Variants in PINK1 observed in about 807,000 individuals in gnomAD.
PINK1 encodes serine/threonine-protein kinase PINK1, mitochondrial.
Under a neutral mutation model 56.0 loss-of-function variants are expected in PINK1, and 58 were observed. The ratio of observed to expected loss-of-function variants is 1.04; its 90% confidence interval spans 0.84 to 1.29. PINK1 has a LOEUF of 1.29. PINK1 is among the 50% of genes most tolerant of loss of function. The pLI is 0.00. For missense variants in PINK1, 745 were observed against 777.9 expected (o/e 0.96, Z 0.50); for synonymous variants, 354 against 339.3 (o/e 1.04, Z -0.48).
Position 20,650,780 on chromosome 1 carries a change from A to G in PINK1, c.*89A>G, listed in dbSNP as rs2053261055. The G allele has an allele frequency of 3.9e-6, 6 of 1,531,552 alleles. No homozygotes were observed. Among genetic ancestry groups the G allele is most frequent in the Non-Finnish European group, 5.3e-6 (6 of 1,134,472 alleles). 94.9% of individuals were successfully genotyped at this position (1,531,552 alleles called of 1,614,324 possible). A position where few individuals can be genotyped will look rare whatever the true frequency, so the allele number is the denominator to read the frequency against. On this transcript the variant is annotated 3_prime_UTR_variant, in exon 8 of 8. Coordinates refer to ENST00000321556, the MANE Select transcript of PINK1 (RefSeq NM_032409.3). ...GTGAATGGTGAGGGTGGGAGTCAGGAGACAAGACAGCGCAGAGAGGGCTGG... is the reference window on the plus strand; with the variant it reads ...GTGAATGGTGAGGGTGGGAGTCAGGGGACAAGACAGCGCAGAGAGGGCTGG...
intron 7 of PINK1, 89 bp downstream of exon 7, chr1:20,649,320 CA>C (rs1160743210): frequency 1.5e-6 from 2 of 1,340,148 alleles, no homozygotes; most frequent in East Asian, 4.6e-5. Context: ...GCCAGAGCCA[CA>C]GTGACAGATC....
intron 3 of PINK1, among the ~76,000 whole-genome samples, chr1:20,642,236 C>T (rs542722367): frequency 1.1e-4 from 16 of 152,324 alleles, no homozygotes; most frequent in Non-Finnish European, 1.5e-5. Context: ...GGGGCTCTAG[C>T]CTGATGTGCT....
chr1:20,642,374 A>G (rs193080363), intron 3 of PINK1, among the ~76,000 whole-genome samples: 323 of 152,112 alleles, frequency 2.1e-3, no homozygotes, highest in African/African-American at 7.6e-3. Context: ...TTATTAGAGG[A>G]GGTTTAAGGG....
At position 20,633,831 on chromosome 1, in the gene PINK1, C is replaced by T; in HGVS notation, c.283C>T (p.Pro95Ser). 4 of 1,578,254 alleles carry T rather than the reference C, an allele frequency of 2.5e-6. No homozygotes were observed. In the South Asian group the frequency reaches 4.6e-5, roughly 18 times the overall value. Residue 95 changes from proline to serine, a missense_variant, in exon 1 of 8, where the codon CCT becomes TCT. Coordinates refer to ENST00000321556, the MANE Select transcript of PINK1 (RefSeq NM_032409.3). Reference sequence around the variant, plus strand: ...GGTGCGGGCCTGGGGCTGCGCGGGCCCTTGCGGCCGGGCAGTCTTTCTGGC... The same window carrying T: ...GGTGCGGGCCTGGGGCTGCGCGGGCTCTTGCGGCCGGGCAGTCTTTCTGGC... Reference protein sequence around the residue: ...FVVRAWGCAGPCGRAVFLAFG... With the variant: ...FVVRAWGCAGSCGRAVFLAFG...
intron 7 of PINK1, chr1:20,649,477 T>C (rs2053236635): frequency 1.9e-6 from 1 of 531,550 alleles, no homozygotes; most frequent in Admixed American, 3.2e-5. Flanking sequence ...GAAAAAGTTG[T>C]TCAGAGGCCA....
chr1:20,651,426 G>C lies in PINK1; in HGVS notation c.*735G>C, dbSNP rs1003813219. On this transcript the variant is annotated 3_prime_UTR_variant, in exon 8 of 8. Transcript: ENST00000321556. Reference sequence around the variant, plus strand: ...ATCAACATTGGGGAAGAGATTTCATGTCTAACTAACTAACTTTATACATGA... The same window carrying C: ...ATCAACATTGGGGAAGAGATTTCATCTCTAACTAACTAACTTTATACATGA... 18 of 152,212 alleles carry C rather than the reference G, an allele frequency of 1.2e-4. No homozygotes were observed. Among genetic ancestry groups the C allele is most frequent in the African/African-American group, 3.6e-4 (15 of 41,466 alleles). The allele number at this position is 152,212 out of a possible 1,614,324, so 9.4% of individuals were successfully genotyped here.
In PINK1 at chr1:20,649,175, G is replaced by A. The variant is rs777444688; in HGVS notation, c.1432G>A (p.Val478Met). 2.5e-6 allele frequency: 4 copies of A among 1,614,210 alleles called. No homozygotes were observed. The highest frequency in any genetic ancestry group is 1.1e-5 in the South Asian group (1 of 91,090). The change falls in exon 7 of 8, where the codon GTG becomes ATG. Residue 478 changes from valine (V) to methionine (M), a missense_variant. By Grantham distance (21) the Val-to-Met change is conservative. Transcript: ENST00000321556. The part of the protein sequence containing the change: ...EAQLPALPES[V>M]PPDVRQLVRA... The stretch of plus-strand genomic sequence containing the variant: ...TCAGCTACCTGCACTGCCCGAGTCA[G>A]TGCCTCCAGACGTGAGACAGTTGGT...
intron 2 of PINK1, chr1:20,639,574 G>C (rs1024572375): frequency 1.9e-5 from 8 of 412,386 alleles, no homozygotes; most frequent in African/African-American, 4.1e-5. Context: ...ATTTTGAACT[G>C]GTGGGGACCA....
In PINK1 at chr1:20,651,160, T is replaced by A; in HGVS notation, c.*469T>A. 4.7e-6 allele frequency: 1 copy of A among 214,884 alleles called. No individual in the cohort carries two copies. The highest frequency in any genetic ancestry group is 1.1e-4 in the East Asian group (1 of 9,230). The allele number at this position is 214,884 out of a possible 1,614,324, so 13.3% of individuals were successfully genotyped here. ...CCTGGGCCTCTGCGTTCCCAAGCTG[T>A]GCGTTCTGGACCAGCTACTGAATTA... On this transcript the variant is annotated 3_prime_UTR_variant, in exon 8 of 8. Coordinates refer to ENST00000321556, the MANE Select transcript of PINK1 (RefSeq NM_032409.3).
chr1:20,637,119 G>A (rs1475396050), intron 1 of PINK1, among the ~76,000 whole-genome samples: 1 of 152,210 alleles, frequency 6.6e-6, no homozygotes, highest in Non-Finnish European at 1.5e-5. Context: ...ACTAACCTTG[G>A]AAAGGAAGAG....
chr1:20,651,146 G>GC lies in PINK1; in HGVS notation c.*456dup, dbSNP rs1299398283. 4 of 225,466 alleles carry GC rather than the reference G, an allele frequency of 1.8e-5. No individual in the cohort carries two copies. Among genetic ancestry groups the GC allele is most frequent in the African/African-American group, 9.0e-5 (4 of 44,530 alleles). 14.0% of individuals were successfully genotyped at this position (225,466 alleles called of 1,614,324 possible). A position where few individuals can be genotyped will look rare whatever the true frequency, so the allele number is the denominator to read the frequency against. On this transcript the variant is annotated 3_prime_UTR_variant, in exon 8 of 8. Transcript: ENST00000321556. ...GAAATTACATGAGGCCTGGGCCTCT[G>GC]CGTTCCCAAGCTGTGCGTTCTGGAC...
chr1:20,634,333 A>G (rs980538305), intron 1 of PINK1, among the ~76,000 whole-genome samples: 1 of 152,202 alleles, frequency 6.6e-6, no homozygotes, highest in Non-Finnish European at 1.5e-5. Context: ...TCACACAGCT[A>G]ATAAAATGCA....
chr1:20,648,213 A>C, intron 5 of PINK1: 1 of 455,558 alleles, frequency 2.2e-6, no homozygotes, highest in Non-Finnish European at 4.1e-6. Flanking sequence ...ATTTGAACCA[A>C]GCTCTAGCTC....
At chr1:20,638,675 G>A in intron 2 of PINK1, 1 of 197,314 alleles carries the variant, frequency 5.1e-6, no homozygotes, top group Non-Finnish European at 1.0e-5. Context: ...AAACCCAAAG[G>A]TAGATTCTGA....
chr1:20,650,189 C>A, intron 7 of PINK1: 1 of 576,078 alleles, frequency 1.7e-6, no homozygotes, highest in Non-Finnish European at 3.1e-6. Flanking sequence ...AGGCTTTCCA[C>A]CCAGGGGGAA....
Position 20,637,900 on chromosome 1 carries a change from AG to A in PINK1, c.449del (p.Gly150AlafsTer8). 6.2e-7 allele frequency: 1 copy of A among 1,614,224 alleles called. No homozygotes were observed. The highest frequency in any genetic ancestry group is 8.5e-7 in the Non-Finnish European group (1 of 1,180,038). ...GPDPLDTRRL[Q>X]GFRLEEYLIG... ...GACCCGTTGGACACGAGACGCTTGCAGGGCTTTCGGCTGGAGGAGTATCTGA... is the reference window on the plus strand; with the variant it reads ...GACCCGTTGGACACGAGACGCTTGCAGGCTTTCGGCTGGAGGAGTATCTGA... On this transcript the variant is annotated frameshift_variant, in exon 2 of 8. Coordinates refer to ENST00000321556, the MANE Select transcript of PINK1 (RefSeq NM_032409.3). LOFTEE classifies it high-confidence loss of function.
In PINK1 at chr1:20,633,814, C is replaced by A. The variant is rs749546463; in HGVS notation, c.266C>A (p.Ala89Asp). ...ARLQRQFVVR[A>D]WGCAGPCGRA... ...TTGCAGCGGCAGTTCGTGGTGCGGG[C>A]CTGGGGCTGCGCGGGCCCTTGCGGC... The change falls in exon 1 of 8, where the codon GCC becomes GAC. Residue 89 changes from alanine to aspartate, a missense_variant. Transcript: ENST00000321556. The A allele has an allele frequency of 5.1e-6, 8 of 1,577,122 alleles. No individual in the cohort carries two copies. Among genetic ancestry groups the A allele is most frequent in the Non-Finnish European group, 6.9e-6 (8 of 1,165,832 alleles).
At position 20,645,631 on chromosome 1, in the gene PINK1, T is replaced by A; in HGVS notation, c.1031T>A (p.Leu344Gln). ...PSPRLAAMML[L>Q]QLLEGVDHLV... Reference sequence around the variant, plus strand: ...CCCCGCCTCGCCGCCATGATGCTGCTGCAGCTGCTGGAAGGCGTGGACCAT... The same window carrying A: ...CCCCGCCTCGCCGCCATGATGCTGCAGCAGCTGCTGGAAGGCGTGGACCAT... Residue 344 changes from leucine (L) to glutamine (Q), a missense_variant, in exon 5 of 8, where the codon CTG becomes CAG. Physicochemically the swap from Leu to Gln is moderately radical, Grantham distance 113 (BLOSUM62 -2). Coordinates refer to ENST00000321556, the MANE Select transcript of PINK1 (RefSeq NM_032409.3). 6.2e-7 allele frequency: 1 copy of A among 1,614,158 alleles called. No homozygotes were observed. Among genetic ancestry groups the A allele is most frequent in the African/African-American group, 1.3e-5 (1 of 75,052 alleles).
chr1:20,644,378 A>G (rs1457140399), intron 3 of PINK1, 112 bp from the exon 4 acceptor site: 2 of 1,221,834 alleles, frequency 1.6e-6, no homozygotes, highest in African/African-American at 3.0e-5. Context: ...TAAACATTTG[A>G]TAGTAAGTGA....
Sources: allele counts gnomAD v4.1 joint callset (sites outside exome capture counted in the v4.1 genomes callset), GRCh38; gene constraint gnomAD v4.1.1; transcripts MANE v1.5; gene names NCBI Gene and HGNC (gene_info 2026-07-23, HGNC 2026-07-21).